The following APOOL variants were observed in gnomAD, a reference collection of about 807,000 sequenced individuals.
APOOL encodes the protein MICOS complex subunit MIC27.
APOOL carries 12 observed loss-of-function variants against 23.1 expected under a neutral mutation model. The observed-to-expected ratio is 0.52, with a 90% confidence interval of 0.33 to 0.84. APOOL has a LOEUF of 0.84. Among genes scored for constraint, APOOL ranks in the 40% least tolerant of loss-of-function variants. The pLI is 0.02. For synonymous variants in APOOL, 77 were observed against 69.9 expected (o/e 1.10, Z -0.51); for missense variants, 212 against 199.6 (o/e 1.06, Z -0.37).
chrX:85,079,926 T>C (rs57343853), intron 8 of APOOL, among the ~76,000 whole-genome samples: 3 of 111,361 alleles, frequency 2.7e-5, no homozygotes, highest in African/African-American at 6.5e-5. Flanking sequence ...TCTGTGGGAT[T>C]GGTGGTGATA....
chrX:85,028,945 A>G (rs757387733), intron 1 of APOOL, among the ~76,000 whole-genome samples: 26 of 111,595 alleles, frequency 2.3e-4, no homozygotes, highest in Non-Finnish European at 4.3e-4. Flanking sequence ...GTTGGTGGAC[A>G]CTTAGGTTGT....
chrX:85,077,033 G>GTA (rs1569460485), intron 8 of APOOL, among the ~76,000 whole-genome samples: 1 of 81,223 alleles, frequency 1.2e-5, no homozygotes, highest in Non-Finnish European at 2.3e-5. Flanking sequence ...ATATATGTAT[G>GTA]TATATATATA....
intron 4 of APOOL, among the ~76,000 whole-genome samples, chrX:85,054,800 A>G (rs778491796): frequency 3.6e-5 from 4 of 111,524 alleles, no homozygotes; most frequent in Non-Finnish European, 7.5e-5. Flanking sequence ...TACAAAGTCT[A>G]TATTATATAT....
chrX:85,041,732 A>G (rs1922406395), intron 1 of APOOL, among the ~76,000 whole-genome samples: 1 of 111,251 alleles, frequency 9.0e-6, no homozygotes, highest in South Asian at 3.9e-4. Context: ...TAGAGGGTCT[A>G]TGGGGATCTC....
At chrX:85,062,486 T>C (rs746452244) in intron 5 of APOOL, among the ~76,000 whole-genome samples, 47 of 111,775 alleles carry the variant, frequency 4.2e-4, no homozygotes, top group African/African-American at 1.5e-3. Context: ...TCTTCTAGGG[T>C]TTTTATAGTT....
intron 1 of APOOL, among the ~76,000 whole-genome samples, chrX:85,033,780 A>G (rs1922121572): frequency 8.9e-6 from 1 of 111,821 alleles, no homozygotes; most frequent in Non-Finnish European, 1.9e-5. Context: ...CACAGGTACC[A>G]TAACACTACC....
chrX:85,072,970 C>A (rs1923721752), intron 6 of APOOL, among the ~76,000 whole-genome samples: 1 of 111,466 alleles, frequency 9.0e-6, no homozygotes, highest in Admixed American at 9.6e-5. Flanking sequence ...AGATCTACTT[C>A]ATCTTTTTTG....
At chrX:85,029,925 C>T (rs1262549901) in intron 1 of APOOL, among the ~76,000 whole-genome samples, 12 of 112,078 alleles carry the variant, frequency 1.1e-4, no homozygotes, top group African/African-American at 3.9e-4. Flanking sequence ...TAAATTAGTA[C>T]AACCACTATG....
At chrX:85,005,856 T>G (rs915565183) in intron 1 of APOOL, among the ~76,000 whole-genome samples, 1 of 111,786 alleles carries the variant, frequency 8.9e-6, no homozygotes, top group African/African-American at 3.3e-5. Flanking sequence ...AGAGGCTTCA[T>G]GGAGAAGGTG....
intron 1 of APOOL, among the ~76,000 whole-genome samples, chrX:85,018,808 TTC>T (rs1298744006): frequency 8.9e-6 from 1 of 112,169 alleles, no homozygotes; most frequent in Non-Finnish European, 1.9e-5. Flanking sequence ...GCTGTATGTG[TTC>T]TCTTGTATCT....
intron 1 of APOOL, among the ~76,000 whole-genome samples, chrX:85,017,899 G>A (rs1043633375): frequency 8.9e-6 from 1 of 111,817 alleles, no homozygotes; most frequent in Non-Finnish European, 1.9e-5. Context: ...TTGCAGCAGC[G>A]CTCCACTACC....
At chrX:85,078,082 T>C (rs756749015) in intron 8 of APOOL, among the ~76,000 whole-genome samples, 271 of 111,978 alleles carry the variant, frequency 2.4e-3, no homozygotes, top group Non-Finnish European at 3.7e-3. Flanking sequence ...GTGAAGAAGC[T>C]CTTTAGTTTA....
chrX:85,072,165 G>A (rs745792244), intron 6 of APOOL, among the ~76,000 whole-genome samples: 1 of 112,098 alleles, frequency 8.9e-6, no homozygotes, highest in Admixed American at 9.5e-5. Flanking sequence ...AGATGAATGT[G>A]CCCTCTGGGA....
At chrX:85,078,869 A>C (rs1923964876) in intron 8 of APOOL, among the ~76,000 whole-genome samples, 1 of 111,337 alleles carries the variant, frequency 9.0e-6, no homozygotes, top group Non-Finnish European at 1.9e-5. Context: ...ATGGGAATTC[A>C]CTCATGATTT....
At position 85,055,817 on chromosome X, in the gene APOOL, A is replaced by T. The variant is rs371768839; in HGVS notation, c.296-10A>T. On this transcript the variant is annotated splice_polypyrimidine_tract_variant and intron_variant, in intron 4 of 8. Coordinates refer to ENST00000373173, the MANE Select transcript of APOOL (RefSeq NM_198450.6). ...AGTTATTCATGTTAATTTTTAACTGATTTCTTGAGATGCTTATGTCTATCT... is the reference window on the plus strand; with the variant it reads ...AGTTATTCATGTTAATTTTTAACTGTTTTCTTGAGATGCTTATGTCTATCT... 44 of 1,156,331 alleles carry T rather than the reference A, an allele frequency of 3.8e-5. No individual in the cohort carries two copies. Among genetic ancestry groups the T allele is most frequent in the Non-Finnish European group, 5.0e-5 (43 of 856,519 alleles).
chrX:85,019,697 T>A (rs1405545684), intron 1 of APOOL, among the ~76,000 whole-genome samples: 1 of 111,474 alleles, frequency 9.0e-6, no homozygotes, highest in Admixed American at 9.5e-5. Flanking sequence ...GATTAAGACA[T>A]GGTCTTGTGC....
chrX:85,061,933 G>T (rs1488207957), intron 5 of APOOL, among the ~76,000 whole-genome samples: 2 of 111,066 alleles, frequency 1.8e-5, no homozygotes, highest in Non-Finnish European at 3.8e-5. Context: ...TTTTGAATGT[G>T]TTTGCTCTTG....
intron 1 of APOOL, among the ~76,000 whole-genome samples, chrX:85,039,510 A>G (rs967003946): frequency 4.5e-5 from 5 of 111,084 alleles, no homozygotes; most frequent in African/African-American, 1.6e-4. Context: ...TGGGGTGTTG[A>G]GGTTTCCCAC....
At chrX:85,047,340 G>C (rs1922610912) in intron 2 of APOOL, among the ~76,000 whole-genome samples, 1 of 111,579 alleles carries the variant, frequency 9.0e-6, no homozygotes, top group Non-Finnish European at 1.9e-5. Flanking sequence ...GGTGTAAGTA[G>C]TTTGTTTTTC....
Sources: gnomAD v4.1 joint callset for allele counts (sites outside exome capture counted in the v4.1 genomes callset) on GRCh38, gnomAD v4.1.1 for gene constraint, MANE v1.5 for transcripts, NCBI Gene and HGNC (gene_info 2026-07-23, HGNC 2026-07-21) for gene names.